CFI: variants seen among roughly 807,000 people sequenced by gnomAD.
CFI encodes C3B/C4B inactivator.
Under a neutral mutation model 78.8 loss-of-function variants are expected in CFI, and 66 were observed. That is an observed-to-expected ratio of 0.84 (90% confidence interval 0.69 to 1.03). The LOEUF (loss-of-function observed/expected upper bound fraction) is 1.03. Among genes scored for constraint, CFI ranks in the 50% least tolerant of loss-of-function variants. The probability of loss-of-function intolerance (pLI) is 0.00; values close to 1 mark genes in which losing one functional copy is unlikely to be tolerated. For missense variants in CFI, 706 were observed against 704.5 expected (o/e 1.00, Z -0.02); for synonymous variants, 250 against 232.6 (o/e 1.07, Z -0.68).
At position 109,752,529 on chromosome 4, in the gene CFI, G is replaced by A. The variant is rs369048502; in HGVS notation, c.905-26C>T. The A allele has an allele frequency of 5.1e-6, 8 of 1,579,706 alleles. No homozygotes were observed. In the African/African-American group the frequency reaches 1.1e-4, roughly 21 times the overall value. Reference sequence around the variant, plus strand: ...CTATGATAAAACAAAAGATTCCAATGTTTAAAGTTGTTAATTATAGTCAAA... The same window carrying A: ...CTATGATAAAACAAAAGATTCCAATATTTAAAGTTGTTAATTATAGTCAAA... On this transcript the variant is annotated intron_variant, in intron 7 of 12. Transcript: ENST00000394634.
chr4:109,778,674 A>G (rs1729595870), intron 1 of CFI, among the ~76,000 whole-genome samples: 1 of 152,182 alleles, frequency 6.6e-6, no homozygotes, highest in South Asian at 2.1e-4. Context: ...CAGAGACACA[A>G]CAAAAAAAAA....
chr4:109,779,066 C>G (rs945352041), intron 1 of CFI, among the ~76,000 whole-genome samples: 1 of 152,136 alleles, frequency 6.6e-6, no homozygotes, highest in African/African-American at 2.4e-5. Context: ...CCTTTGAAAA[C>G]TGGCACAAGA....
intron 1 of CFI, among the ~76,000 whole-genome samples, chr4:109,799,929 T>G (rs188564490): frequency 3.2e-4 from 48 of 152,338 alleles, no homozygotes; most frequent in Admixed American, 2.7e-3. Flanking sequence ...TTTCATACCA[T>G]TTTTAGTTGC....
rs1415190695 is a variant in CFI at position 109,746,487 on chromosome 4, AT to A, written c.1163del (p.His388LeufsTer9). ...AAHCLRASKT[H>X]RYQIWTTVVD... The stretch of plus-strand genomic sequence containing the variant: ...CTACTGTTGTCCATATTTGGTAACG[AT>A]GAGTTTTACTGGCTCTATAACAGAA... On this transcript the variant is annotated frameshift_variant, in exon 11 of 13. Transcript: ENST00000394634. LOFTEE classifies it high-confidence loss of function. 1 of 1,612,152 alleles carries A rather than the reference AT, an allele frequency of 6.2e-7. No homozygotes were observed.
intron 7 of CFI, among the ~76,000 whole-genome samples, chr4:109,756,489 C>T (rs1285466298): frequency 6.6e-6 from 1 of 151,582 alleles, no homozygotes; most frequent in Non-Finnish European, 1.5e-5. Flanking sequence ...CTTCAGAGGG[C>T]AAAATGACAA....
At chr4:109,768,824 C>T (rs1728193904) in intron 1 of CFI, among the ~76,000 whole-genome samples, 1 of 152,166 alleles carries the variant, frequency 6.6e-6, no homozygotes, top group African/African-American at 2.4e-5. Flanking sequence ...TAAAACCATG[C>T]AAAACCTTGC....
At chr4:109,744,779 G>A (rs1023897908) in intron 11 of CFI, among the ~76,000 whole-genome samples, 6 of 151,958 alleles carry the variant, frequency 3.9e-5, no homozygotes, top group African/African-American at 1.5e-4. Flanking sequence ...ATTAATATGG[G>A]GAGATACAAC....
In CFI at chr4:109,787,596, GT is replaced by G. The variant is rs201113074; in HGVS notation, c.57+14318del. ...CATAAGAAATTTGATAAGGTCTTTT[GT>G]TTTTTTTTTAATTTTAAAAATAAAT... On this transcript the variant is annotated intron_variant, in intron 1 of 12. Coordinates refer to ENST00000394634, the MANE Select transcript of CFI (RefSeq NM_000204.5). Among the ~76,000 whole-genome samples, 183 of 147,522 alleles carry G rather than the reference GT, an allele frequency of 1.2e-3. 1 individual carries two copies. Among genetic ancestry groups the G allele is most frequent in the South Asian group, 3.7e-3 (17 of 4,586 alleles).
chr4:109,784,992 C>A (rs934149362), intron 1 of CFI, among the ~76,000 whole-genome samples: 1 of 151,958 alleles, frequency 6.6e-6, no homozygotes, highest in East Asian at 1.9e-4. Context: ...CCCACCCTTG[C>A]GATAATGTAC....
downstream of CFI, among the ~76,000 whole-genome samples, chr4:109,738,226 C>T (rs1408449990): frequency 6.6e-6 from 1 of 151,786 alleles, no homozygotes; most frequent in Non-Finnish European, 1.5e-5. Flanking sequence ...ATGATCCTCC[C>T]ACCTCAGCCT....
intron 2 of CFI, 130 bp from the exon 3 acceptor site, chr4:109,764,820 A>G (rs897862484): frequency 5.9e-5 from 48 of 811,132 alleles, no homozygotes; most frequent in Non-Finnish European, 9.1e-5. Flanking sequence ...TTTAACAAGT[A>G]ATAGTAAGCA....
intron 6 of CFI, 105 bp from the exon 7 acceptor site, chr4:109,757,888 T>C: frequency 1.5e-6 from 2 of 1,345,434 alleles, no homozygotes; most frequent in South Asian, 1.4e-5. Context: ...TGCACCTTAT[T>C]TCTGTTTTCT....
chr4:109,756,971 AAGAAAG>A (rs1561298138), intron 7 of CFI, among the ~76,000 whole-genome samples: 9 of 140,242 alleles, frequency 6.4e-5, no homozygotes, highest in East Asian at 4.5e-4. Context: ...GAAAGAAAGA[AAGAAAG>A]AAATTCTGAG....
intron 1 of CFI, among the ~76,000 whole-genome samples, chr4:109,783,956 T>C (rs1730402331): frequency 6.6e-6 from 1 of 151,346 alleles, no homozygotes. Context: ...ATATCGTACG[T>C]TCTCACTGAT....
Position 109,760,291 on chromosome 4 carries a change from C to A in CFI, c.862G>T (p.Glu288Ter). 1 of 1,613,780 alleles carries A rather than the reference C, an allele frequency of 6.2e-7. No individual in the cohort carries two copies. The highest frequency in any genetic ancestry group is 1.3e-5 in the African/African-American group (1 of 75,062). ...TTACCTGCACAGCCAACTTCATCTT[C>A]CCCTGTAATGCAGTCCACCTCACCA... ...CNGEVDCITG[E>*]DEVGCAGFAS... The change falls in exon 6 of 13, where the codon GAA becomes TAA. Residue 288 changes from glutamate to a stop codon, truncating the protein, a stop_gained. Transcript: ENST00000394634. LOFTEE classifies it high-confidence loss of function.
intron 1 of CFI, among the ~76,000 whole-genome samples, chr4:109,771,400 T>TAA (rs397831103): frequency 9.9e-6 from 1 of 101,330 alleles, no homozygotes; most frequent in African/African-American, 3.6e-5. Context: ...CTACTAAAAA[T>TAA]AAAAAAAAAA....
downstream of CFI, among the ~76,000 whole-genome samples, chr4:109,737,552 G>C (rs1723439295): frequency 6.6e-6 from 1 of 152,206 alleles, no homozygotes; most frequent in Non-Finnish European, 1.5e-5. Context: ...GACGATGGCA[G>C]AGCTCCACAT....
At chr4:109,772,707 T>C (rs946384205) in intron 1 of CFI, among the ~76,000 whole-genome samples, 1 of 152,060 alleles carries the variant, frequency 6.6e-6, no homozygotes, top group African/African-American at 2.4e-5. Context: ...GTCTCCTGAG[T>C]AGCTAGGACA....
intron 1 of CFI, among the ~76,000 whole-genome samples, chr4:109,799,642 T>C (rs1270174207): frequency 6.6e-6 from 1 of 152,174 alleles, no homozygotes; most frequent in Non-Finnish European, 1.5e-5. Flanking sequence ...GATAGAAGTG[T>C]GGTAAGTGAT....
Sources: gnomAD v4.1 joint callset for allele counts (sites outside exome capture counted in the v4.1 genomes callset) on GRCh38, gnomAD v4.1.1 for gene constraint, MANE v1.5 for transcripts, NCBI Gene and HGNC (gene_info 2026-07-23, HGNC 2026-07-21) for gene names.